Variants in LRP1B observed in about 807,000 individuals in gnomAD.
LRP1B encodes low-density lipoprotein receptor-related protein 1B.
A neutral mutation model predicts 556.6 loss-of-function variants in LRP1B; 217 were observed. The observed-to-expected ratio is 0.39, with a 90% CI of 0.35 to 0.44. The LOEUF (loss-of-function observed/expected upper bound fraction) is 0.44. Ranked by LOEUF, LRP1B falls within the 20% of genes least tolerant of loss-of-function variation. The pLI, the probability that LRP1B is intolerant of heterozygous loss-of-function variation, is 1.00. For synonymous variants in LRP1B, 2,047 were observed against 1,865.8 expected (o/e 1.10, Z -2.50); for missense variants, 5,053 against 5,620.8 (o/e 0.90, Z 3.23).
intron 32 of LRP1B, among the ~76,000 whole-genome samples, chr2:140,803,750 T>C (rs1690607989): frequency 6.6e-6 from 1 of 152,080 alleles, no homozygotes; most frequent in African/African-American, 2.4e-5. Context: ...AGTTTACAAA[T>C]TGTAGAAGTA....
At chr2:140,639,097 G>A (rs1429775164) in intron 41 of LRP1B, among the ~76,000 whole-genome samples, 1 of 152,062 alleles carries the variant, frequency 6.6e-6, no homozygotes, top group Non-Finnish European at 1.5e-5. Context: ...AGGCATTTTG[G>A]TTACATCTTT....
intron 2 of LRP1B, among the ~76,000 whole-genome samples, chr2:141,689,475 C>T (rs977722842): frequency 6.6e-6 from 1 of 151,730 alleles, no homozygotes; most frequent in Non-Finnish European, 1.5e-5. Context: ...CAATTATAAA[C>T]ACATACATGA....
chr2:140,571,539 T>C (rs190927938), intron 43 of LRP1B, among the ~76,000 whole-genome samples: 302 of 151,904 alleles, frequency 2.0e-3, no homozygotes, highest in African/African-American at 7.0e-3. Context: ...ACATCCCATG[T>C]CTATGGTTTA....
chr2:141,835,642 G>A (rs1052674931), intron 1 of LRP1B, among the ~76,000 whole-genome samples: 1 of 151,896 alleles, frequency 6.6e-6, no homozygotes, highest in Non-Finnish European at 1.5e-5. Flanking sequence ...TGTTACTTCA[G>A]TTCTATAGCT....
chr2:140,556,720 C>A (rs1460386630), intron 43 of LRP1B, among the ~76,000 whole-genome samples: 4 of 140,262 alleles, frequency 2.9e-5, no homozygotes, highest in Admixed American at 7.3e-5. Flanking sequence ...GATTGCCAAC[C>A]AAAACAAACA....
intron 41 of LRP1B, among the ~76,000 whole-genome samples, chr2:140,644,274 T>C: frequency 6.6e-6 from 1 of 152,218 alleles, no homozygotes; most frequent in Non-Finnish European, 1.5e-5. Flanking sequence ...TGTAAGAAGA[T>C]ATATATTGTC....
intron 3 of LRP1B, among the ~76,000 whole-genome samples, chr2:141,411,582 G>C (rs1483544300): frequency 6.6e-6 from 1 of 152,050 alleles, no homozygotes; most frequent in African/African-American, 2.4e-5. Flanking sequence ...TGAAACTTCA[G>C]CTACTTTTAA....
intron 3 of LRP1B, among the ~76,000 whole-genome samples, chr2:141,375,217 C>G (rs1689383615): frequency 6.6e-6 from 1 of 152,038 alleles, no homozygotes; most frequent in Non-Finnish European, 1.5e-5. Context: ...TGAAGTTTTT[C>G]TGAGGACTTG....
At chr2:140,973,368 T>G (rs1696494647) in intron 18 of LRP1B, among the ~76,000 whole-genome samples, 2 of 152,010 alleles carry the variant, frequency 1.3e-5, no homozygotes, top group Admixed American at 1.3e-4. Context: ...AGTACTATGA[T>G]GGATGATGGA....
chr2:140,668,309 CAAAAAAAAAAAAAAA>C (rs560180473), intron 41 of LRP1B, among the ~76,000 whole-genome samples: 3 of 59,648 alleles, frequency 5.0e-5, no homozygotes, highest in African/African-American at 7.4e-5. Flanking sequence ...GACTCCGTCT[CAAAAAAAAAAAAAAA>C]AAAAAAAAAA....
intron 1 of LRP1B, among the ~76,000 whole-genome samples, chr2:142,039,302 A>G (rs1429955542): frequency 1.3e-5 from 2 of 151,528 alleles, no homozygotes; most frequent in Non-Finnish European, 1.5e-5. Context: ...TATTAACATT[A>G]TAACGTAAGT....
At position 141,197,053 on chromosome 2, in the gene LRP1B, T is replaced by C. The variant is rs909293975; in HGVS notation, c.851-8470A>G. Among the ~76,000 whole-genome samples the C allele has an allele frequency of 2.0e-5, 3 of 152,156 alleles. No homozygotes were observed. The East Asian group carries it at 5.8e-4, about 29-fold the overall frequency. On this transcript the variant is annotated intron_variant, in intron 6 of 90. Transcript: ENST00000389484. ...ATGTAAGACATGATTTTGATCCTCA[T>C]TTGCCTTCTACAATGATTGTGAGGC...
chr2:141,903,139 G>A (rs1699668630), intron 1 of LRP1B, among the ~76,000 whole-genome samples: 1 of 70,608 alleles, frequency 1.4e-5, no homozygotes, highest in Non-Finnish European at 3.1e-5. Context: ...TTATAGTAAT[G>A]TCTAAATCTT....
At chr2:140,514,302 T>A (rs1574026199) in intron 51 of LRP1B, among the ~76,000 whole-genome samples, 2 of 151,864 alleles carry the variant, frequency 1.3e-5, no homozygotes, top group Admixed American at 1.3e-4. Flanking sequence ...TTTTGGAGGG[T>A]AACTTGGTGG....
At chr2:141,774,448 A>G (rs970860442) in intron 2 of LRP1B, among the ~76,000 whole-genome samples, 6 of 152,072 alleles carry the variant, frequency 3.9e-5, no homozygotes, top group South Asian at 2.1e-4. Flanking sequence ...ACCTCACTCA[A>G]TCACCGCGGG....
chr2:141,269,268 C>A (rs1685001203), intron 3 of LRP1B, among the ~76,000 whole-genome samples: 1 of 151,958 alleles, frequency 6.6e-6, no homozygotes. Context: ...ACAGATAAAA[C>A]CAGACAGAAA....
intron 66 of LRP1B, among the ~76,000 whole-genome samples, chr2:140,427,225 G>A (rs372376088): frequency 6.6e-6 from 1 of 152,120 alleles, no homozygotes; most frequent in Non-Finnish European, 1.5e-5. Context: ...TGATCTCCGC[G>A]AGGACGCCTG....
At chr2:140,317,141 A>G (rs1197780668) in intron 82 of LRP1B, among the ~76,000 whole-genome samples, 1 of 152,106 alleles carries the variant, frequency 6.6e-6, no homozygotes, top group Non-Finnish European at 1.5e-5. Flanking sequence ...AAAGAAAGGA[A>G]TTACAATAGG....
intron 2 of LRP1B, among the ~76,000 whole-genome samples, chr2:141,673,641 G>A (rs572054176): frequency 1.3e-5 from 2 of 151,920 alleles, no homozygotes; most frequent in South Asian, 4.1e-4. Context: ...AACAATTTGG[G>A]GCCATATTAT....
Sources: allele counts gnomAD v4.1 joint callset (sites outside exome capture counted in the v4.1 genomes callset), GRCh38; gene constraint gnomAD v4.1.1; transcripts MANE v1.5; gene names NCBI Gene and HGNC (gene_info 2026-07-23, HGNC 2026-07-21).